The following RAP1GDS1 variants were observed in gnomAD, a reference collection of about 807,000 sequenced individuals.
The protein encoded by RAP1GDS1 is Rap1 GTPase-GDP dissociation stimulator 1.
A neutral mutation model predicts 71.1 loss-of-function variants in RAP1GDS1; 35 were observed. The observed-to-expected ratio is 0.49, with a 90% confidence interval of 0.38 to 0.65. RAP1GDS1 has a LOEUF of 0.65. Ranked by LOEUF, RAP1GDS1 falls within the 30% of genes least tolerant of loss-of-function variation. The pLI is 0.00. For synonymous variants in RAP1GDS1, 229 were observed against 243.1 expected, an observed-to-expected ratio of 0.94 and a Z score of 0.54; for missense variants, 663 against 706.1, an observed-to-expected ratio of 0.94 and a Z score of 0.69.
chr4:98,288,274 A>G (rs1424243323), intron 1 of RAP1GDS1, among the ~76,000 whole-genome samples: 2 of 152,124 alleles, frequency 1.3e-5, no homozygotes, highest in East Asian at 3.8e-4. Flanking sequence ...GAGTGAGAAC[A>G]TGCGGTGTTT....
At chr4:98,420,245 C>A in intron 11 of RAP1GDS1, 101 bp downstream of exon 11, 1 of 1,142,508 alleles carries the variant, frequency 8.8e-7, no homozygotes. Context: ...ATTATGTAAT[C>A]ATAAAAAATA....
intron 12 of RAP1GDS1, 45 bp from the exon 13 acceptor site, chr4:98,433,891 T>G (rs1561014216): frequency 6.5e-7 from 1 of 1,537,322 alleles, no homozygotes. Context: ...ATGTTCCTTA[T>G]GTTTAAAATT....
intron 2 of RAP1GDS1, among the ~76,000 whole-genome samples, chr4:98,333,660 A>G (rs1165078600): frequency 6.6e-6 from 1 of 152,100 alleles, no homozygotes; most frequent in Admixed American, 6.5e-5. Flanking sequence ...TATCCTGCCT[A>G]CATTTACCTG....
intron 2 of RAP1GDS1, among the ~76,000 whole-genome samples, chr4:98,320,200 A>G (rs949515783): frequency 6.6e-6 from 1 of 152,230 alleles, no homozygotes; most frequent in Non-Finnish European, 1.5e-5. Flanking sequence ...TGGGGGAGTC[A>G]AAAGATATTT....
At chr4:98,309,283 T>A (rs1387412666) in intron 2 of RAP1GDS1, among the ~76,000 whole-genome samples, 1 of 152,072 alleles carries the variant, frequency 6.6e-6, no homozygotes, top group East Asian at 1.9e-4. Context: ...ATTCTTCTCC[T>A]TTGGGAAGAA....
chr4:98,278,090 T>G (rs1048133287), intron 1 of RAP1GDS1, among the ~76,000 whole-genome samples: 3 of 152,124 alleles, frequency 2.0e-5, no homozygotes, highest in Non-Finnish European at 2.9e-5. Flanking sequence ...ACCAAGTTAC[T>G]CAGGAGGCTG....
intron 4 of RAP1GDS1, among the ~76,000 whole-genome samples, chr4:98,353,440 T>A (rs900508481): frequency 6.6e-6 from 1 of 152,180 alleles, no homozygotes; most frequent in South Asian, 2.1e-4. Context: ...ACAAAAGATA[T>A]GGCCCTTTTA....
At chr4:98,270,769 C>T (rs1723337511) in intron 1 of RAP1GDS1, among the ~76,000 whole-genome samples, 2 of 151,820 alleles carry the variant, frequency 1.3e-5, no homozygotes, top group Admixed American at 1.3e-4. Context: ...GCCTCTCCTG[C>T]CTCCCCTTTT....
At chr4:98,405,512 A>G (rs1263946649) in intron 7 of RAP1GDS1, among the ~76,000 whole-genome samples, 7 of 152,100 alleles carry the variant, frequency 4.6e-5, no homozygotes, top group Non-Finnish European at 8.8e-5. Context: ...TGGAGTCCCA[A>G]AAGGAGAGTA....
intron 4 of RAP1GDS1, among the ~76,000 whole-genome samples, chr4:98,360,975 C>T (rs947769897): frequency 6.6e-6 from 1 of 150,718 alleles, no homozygotes; most frequent in African/African-American, 2.4e-5. Flanking sequence ...GTAATTCCAG[C>T]TTTGGGAGGC....
intron 2 of RAP1GDS1, among the ~76,000 whole-genome samples, chr4:98,310,550 A>G (rs1730062695): frequency 6.6e-6 from 1 of 152,196 alleles, no homozygotes; most frequent in Non-Finnish European, 1.5e-5. Flanking sequence ...TTTTGATTGA[A>G]TTCGTTCTTT....
chr4:98,422,230 T>A (rs2110195457), intron 12 of RAP1GDS1, among the ~76,000 whole-genome samples: 1 of 152,174 alleles, frequency 6.6e-6, no homozygotes, highest in South Asian at 2.1e-4. Flanking sequence ...TTTCTTTTTC[T>A]TTTTTGAGAC....
At chr4:98,351,732 CTG>C (rs1737222556) in intron 3 of RAP1GDS1, among the ~76,000 whole-genome samples, 2 of 150,848 alleles carry the variant, frequency 1.3e-5, no homozygotes, top group East Asian at 1.9e-4. Context: ...CCAATCATGA[CTG>C]TGGTGGTATC....
At chr4:98,323,486 C>A (rs1292419497) in intron 2 of RAP1GDS1, among the ~76,000 whole-genome samples, 2 of 127,254 alleles carry the variant, frequency 1.6e-5, no homozygotes, top group African/African-American at 6.3e-5. Context: ...GAATTTTAGA[C>A]CAATATCCTT....
At chr4:98,357,063 G>A (rs1738077920) in intron 4 of RAP1GDS1, among the ~76,000 whole-genome samples, 1 of 151,636 alleles carries the variant, frequency 6.6e-6, no homozygotes, top group African/African-American at 2.4e-5. Context: ...CATGTAAGTT[G>A]GTCAGAAAAG....
chr4:98,401,878 T>C (rs896427106), intron 6 of RAP1GDS1, among the ~76,000 whole-genome samples: 2 of 152,108 alleles, frequency 1.3e-5, no homozygotes, highest in Admixed American at 1.3e-4. Context: ...AGGAAAAGAA[T>C]GTGGATTGGA....
At chr4:98,407,504 ACTC>A (rs892919505) in intron 7 of RAP1GDS1, among the ~76,000 whole-genome samples, 1 of 151,924 alleles carries the variant, frequency 6.6e-6, no homozygotes, top group East Asian at 1.9e-4. Flanking sequence ...ATGGAATACT[ACTC>A]AGCTATAAAA....
chr4:98,370,637 C>G (rs925966710), intron 4 of RAP1GDS1, among the ~76,000 whole-genome samples: 2 of 151,422 alleles, frequency 1.3e-5, no homozygotes, highest in Admixed American at 6.6e-5. Flanking sequence ...GATCTCTGCT[C>G]CCAGCTCATT....
Position 98,443,470 on chromosome 4 carries a change from C to T in RAP1GDS1, c.*1353C>T, listed in dbSNP as rs4699634. ...CATACCCAAATTTGACCACTACTGG[C>T]CTAAAAGGCAAGATGGGCTTCGATA... On this transcript the variant is annotated 3_prime_UTR_variant, in exon 15 of 15. Transcript: ENST00000408927. 0.083 allele frequency: 19,083 copies of T among 229,690 alleles called. 1,002 individuals carry two copies. Among genetic ancestry groups the T allele is most frequent in the Admixed American group, 0.15 (2,611 of 17,632 alleles). The allele number at this position is 229,690 out of a possible 1,614,324, so 14.2% of individuals were successfully genotyped here. A position where few individuals can be genotyped will look rare whatever the true frequency, so the allele number is the denominator to read the frequency against.
Sources: allele counts gnomAD v4.1 joint callset (sites outside exome capture counted in the v4.1 genomes callset), GRCh38; gene constraint gnomAD v4.1.1; transcripts MANE v1.5; gene names NCBI Gene and HGNC (gene_info 2026-07-23, HGNC 2026-07-21).